The following TG variants were observed in gnomAD, a reference collection of about 807,000 sequenced individuals.
TG encodes the protein thyroid hormones.
In TG, 270 loss-of-function variants were observed where a neutral mutation model predicts 324.7. The ratio of observed to expected loss-of-function variants is 0.83; its 90% CI spans 0.75 to 0.92. The LOEUF (loss-of-function observed/expected upper bound fraction) is 0.92, where lower values mean the gene tolerates loss of function less well. Ranked by LOEUF, TG falls within the 40% of genes least tolerant of loss-of-function variation. The probability of loss-of-function intolerance (pLI) is 0.00; values close to 1 mark genes in which losing one functional copy is unlikely to be tolerated. For missense variants in TG, 3,591 were observed against 3,456.4 expected, an observed-to-expected ratio of 1.04 and a Z score of -0.98; for synonymous variants, 1,401 against 1,327.0, an observed-to-expected ratio of 1.06 and a Z score of -1.21.
intron 37 of TG, among the ~76,000 whole-genome samples, chr8:133,016,204 G>A (rs1248124529): frequency 3.9e-5 from 6 of 152,254 alleles, no homozygotes; most frequent in South Asian, 4.1e-4. Context: ...CCATGGTGAC[G>A]CTCAGTGACC....
chr8:132,946,736 G>T (rs966437197), intron 26 of TG, among the ~76,000 whole-genome samples: 1 of 152,168 alleles, frequency 6.6e-6, no homozygotes, highest in Non-Finnish European at 1.5e-5. Context: ...CTGCTTGGAA[G>T]TGGGGCTCTG....
intron 35 of TG, 49 bp from the exon 36 acceptor site, chr8:133,011,852 A>C (rs779767832): frequency 6.2e-7 from 1 of 1,613,608 alleles, no homozygotes; most frequent in Non-Finnish European, 8.5e-7. Flanking sequence ...TGTCTTTGTT[A>C]CTCACCAGGT....
chr8:132,871,062 G>A (rs973349163), intron 3 of TG, among the ~76,000 whole-genome samples: 1 of 152,124 alleles, frequency 6.6e-6, no homozygotes, highest in African/African-American at 2.4e-5. Context: ...ACTCAGAAAA[G>A]CTCTGTTAAT....
rs144956621 is a variant in TG, at chr8:133,054,521, G to C, written c.7239+24498G>C. On this transcript the variant is annotated intron_variant, in intron 41 of 47. Coordinates refer to ENST00000220616, the MANE Select transcript of TG (RefSeq NM_003235.5). The stretch of plus-strand genomic sequence containing the variant: ...CTCATAGGATTGAGTGAAGGATTCA[G>C]GATGCATTGCATTTTAGGGCCTGCC... Among the ~76,000 whole-genome samples the C allele has an allele frequency of 3.1e-3, 479 of 152,298 alleles. 6 individuals carry two copies. The highest frequency in any genetic ancestry group is 0.011 in the African/African-American group (457 of 41,564).
chr8:133,025,848 T>A (rs1282798456), intron 40 of TG, among the ~76,000 whole-genome samples: 1 of 152,222 alleles, frequency 6.6e-6, no homozygotes, highest in Non-Finnish European at 1.5e-5. Flanking sequence ...TGGCTTTGCA[T>A]CTGAGCAGGA....
At position 133,107,982 on chromosome 8, in the gene TG, C is replaced by CTTTTCCTCTTTTTTTT. The variant is rs1554725841; in HGVS notation, c.7573-5436_7573-5435insCCTCTTTTTTTTTTTT. 1.5e-5 allele frequency among the ~76,000 whole-genome samples: 2 copies of CTTTTCCTCTTTTTTTT among 134,122 alleles called. 1 individual carries two copies. Among genetic ancestry groups the CTTTTCCTCTTTTTTTT allele is most frequent in the African/African-American group, 5.7e-5 (2 of 35,276 alleles). 88.0% of individuals were successfully genotyped at this position (134,122 alleles called of 152,430 possible). On this transcript the variant is annotated intron_variant, in intron 43 of 47. Transcript: ENST00000220616. Reference sequence around the variant, plus strand: ...CCAGTCCTTTTTCTTTTCTTTTCTTCTTTTTTTTTTTTTTTTTTTGAGACA... The same window carrying CTTTTCCTCTTTTTTTT: ...CCAGTCCTTTTTCTTTTCTTTTCTTCTTTTCCTCTTTTTTTTTTTTTTTTTTTTTTTTTTTGAGACA...
Position 132,887,027 on chromosome 8 carries a change from T to G in TG, c.1655T>G (p.Phe552Cys), listed in dbSNP as rs1815519312. 1 of 1,614,096 alleles carries G rather than the reference T, an allele frequency of 6.2e-7. No homozygotes were observed. ...ATGAATAAGCCAACTGTGGGCAGCT[T>G]TGGCTTTGAAATTAACCTACAAGAG... ...GTMNKPTVGS[F>C]GFEINLQENQ... Residue 552 changes from phenylalanine (F) to cysteine (C), a missense_variant, in exon 9 of 48, where the codon TTT (phenylalanine) becomes TGT (cysteine). By Grantham distance (205) the Phe-to-Cys change is radical (BLOSUM62 -2). Coordinates refer to ENST00000220616, the MANE Select transcript of TG (RefSeq NM_003235.5).
intron 43 of TG, among the ~76,000 whole-genome samples, chr8:133,101,524 C>T (rs992216464): frequency 6.6e-6 from 1 of 152,182 alleles, no homozygotes; most frequent in Non-Finnish European, 1.5e-5. Flanking sequence ...TCCTTTGATA[C>T]CCACCCAGCC....
intron 41 of TG, chr8:133,038,281 A>G (rs1837449953): frequency 1.8e-6 from 1 of 549,218 alleles, no homozygotes; most frequent in Non-Finnish European, 3.3e-6. Context: ...TCTTCCAAGC[A>G]TCGCCCGACA....
At chr8:133,006,414 T>G (rs956998347) in intron 35 of TG, among the ~76,000 whole-genome samples, 1 of 152,232 alleles carries the variant, frequency 6.6e-6, no homozygotes, top group Non-Finnish European at 1.5e-5. Flanking sequence ...CTTGTCACAT[T>G]TCTCAAGAGA....
chr8:132,883,238 T>C (rs16904771), intron 8 of TG: 5,778 of 544,286 alleles, frequency 0.011, 154 homozygotes, highest in East Asian at 0.081. Flanking sequence ...GGCTCATAGA[T>C]GAAGAAAAAT....
chr8:132,923,279 A>G (rs1289248800), intron 21 of TG, 59 bp from the exon 22 acceptor site: 4 of 1,586,506 alleles, frequency 2.5e-6, no homozygotes, highest in Non-Finnish European at 3.5e-6. Flanking sequence ...GCCTGGGAGT[A>G]GGAGTCAGGG....
At chr8:132,890,981 G>A (rs2132197795) in intron 10 of TG, among the ~76,000 whole-genome samples, 1 of 152,334 alleles carries the variant, frequency 6.6e-6, no homozygotes, top group South Asian at 2.1e-4. Context: ...GTGAAGGATG[G>A]TGTCTGCTCT....
intron 45 of TG, among the ~76,000 whole-genome samples, chr8:133,121,962 T>TTC (rs145004035): frequency 1.9e-4 from 29 of 150,810 alleles, no homozygotes; most frequent in Admixed American, 1.1e-3. Flanking sequence ...ACATCTCTCT[T>TTC]TCTCTCTCTC....
chr8:132,974,338 A>G (rs1829936158), intron 34 of TG, among the ~76,000 whole-genome samples: 1 of 152,234 alleles, frequency 6.6e-6, no homozygotes, highest in East Asian at 1.9e-4. Context: ...CAAAGTAGGC[A>G]AAGAGAGAAG....
At chr8:133,050,259 C>A in intron 41 of TG, 1 of 493,360 alleles carries the variant, frequency 2.0e-6, no homozygotes, top group Non-Finnish European at 3.7e-6. Context: ...GCTAATGTTC[C>A]CAACTGTTGG....
chr8:133,024,907 G>A (rs1024617984), intron 40 of TG, among the ~76,000 whole-genome samples: 2 of 151,384 alleles, frequency 1.3e-5, no homozygotes, highest in African/African-American at 2.5e-5. Context: ...ATGATTTGGC[G>A]ATTCCTCAAA....
At chr8:132,994,922 T>G in intron 35 of TG, 15 of 1,122,552 alleles carry the variant, frequency 1.3e-5, no homozygotes, top group Non-Finnish European at 1.7e-5. Flanking sequence ...TATTCAAATA[T>G]GTTGAAGATT....
At chr8:133,019,276 G>A (rs1351205239) in intron 38 of TG, among the ~76,000 whole-genome samples, 5 of 152,240 alleles carry the variant, frequency 3.3e-5, no homozygotes, top group Non-Finnish European at 7.3e-5. Flanking sequence ...CACTCTTGGA[G>A]CAAAGAAGGG....
Sources: gnomAD v4.1 joint callset for allele counts (sites outside exome capture counted in the v4.1 genomes callset) on GRCh38, gnomAD v4.1.1 for gene constraint, MANE v1.5 for transcripts, NCBI Gene and HGNC (gene_info 2026-07-23, HGNC 2026-07-21) for gene names.